ZAN: variants seen among roughly 807,000 people sequenced by gnomAD.
The protein encoded by ZAN is zonadhesin (gene/pseudogene).
ZAN carries 260 observed loss-of-function variants against 286.2 expected under a neutral mutation model. That is an observed-to-expected ratio of 0.91 (90% CI 0.82 to 1.01). ZAN has a LOEUF of 1.01. Ranked by LOEUF, ZAN falls within the 50% of genes least tolerant of loss-of-function variation. The probability of loss-of-function intolerance (pLI) is 0.00; values close to 1 mark genes in which losing one functional copy is unlikely to be tolerated. For missense variants in ZAN, 3,410 were observed against 3,639.2 expected, an observed-to-expected ratio of 0.94 and a Z score of 1.62; for synonymous variants, 1,368 against 1,417.5, an observed-to-expected ratio of 0.97 and a Z score of 0.79.
At chr7:100,753,950 C>T (rs1808971745) in intron 14 of ZAN, among the ~76,000 whole-genome samples, 1 of 151,934 alleles carries the variant, frequency 6.6e-6, no homozygotes, top group Non-Finnish European at 1.5e-5. Flanking sequence ...AAAAAGAAAT[C>T]CTATACCTAT....
chr7:100,747,534 A>C lies in ZAN; in HGVS notation c.932-16A>C. ...CCCCTTAAGCTCACTTCTCCTTCCA[A>C]TTCCTTTCACTGCAGGGAGTATCCG... is the stretch of plus-strand genomic sequence containing the variant. On this transcript the variant is annotated splice_polypyrimidine_tract_variant and intron_variant, in intron 8 of 47. Transcript: ENST00000613979. 1 of 1,612,688 alleles carries C rather than the reference A, an allele frequency of 6.2e-7. No individual in the cohort carries two copies.
At chr7:100,765,848 G>A (rs770375923) in intron 23 of ZAN, among the ~76,000 whole-genome samples, 13 of 152,080 alleles carry the variant, frequency 8.5e-5, no homozygotes, top group Non-Finnish European at 1.3e-4. Context: ...GGGGTAGGGG[G>A]CGGTTTCACC....
chr7:100,789,210 C>T lies in ZAN; in HGVS notation c.7228-8C>T. 1 of 1,612,316 alleles carries T rather than the reference C, an allele frequency of 6.2e-7. No individual in the cohort carries two copies. On this transcript the variant is annotated splice_region_variant and splice_polypyrimidine_tract_variant and intron_variant, in intron 38 of 47. Transcript: ENST00000613979. Reference sequence around the variant, plus strand: ...GCCCTGTCTGTGGCTCCTGTCTTCCCTCTTTAGGTCAACAACCAGAAGATG... The same window carrying T: ...GCCCTGTCTGTGGCTCCTGTCTTCCTTCTTTAGGTCAACAACCAGAAGATG...
chr7:100,772,012 C>T lies in ZAN; in HGVS notation c.5417C>T (p.Thr1806Ile). 6.3e-7 allele frequency: 1 copy of T among 1,596,210 alleles called. No individual in the cohort carries two copies. Among genetic ancestry groups the T allele is most frequent in the South Asian group, 1.1e-5 (1 of 90,716 alleles). Residue 1806 changes from threonine (T) to isoleucine (I), a missense_variant, in exon 29 of 48, where the codon ACC becomes ATC. This residue lies in a region of ZAN where 1,289 missense variants were observed against 1,314.3 expected (regional missense o/e 0.98). Coordinates refer to ENST00000613979, the MANE Select transcript of ZAN (RefSeq NM_003386.3). ...CAGGCCCCTGCCTGGCGGAACAGAA[C>T]CTTCTGCCGTGAGTGACTGGCCACC... Reference protein sequence around the residue: ...AGQAPAWRNRTFCPMRCPPGS... With the variant: ...AGQAPAWRNRIFCPMRCPPGS...
At position 100,752,555 on chromosome 7, in the gene ZAN, T is replaced by G. The variant is rs1037747187; in HGVS notation, c.2450T>G (p.Ile817Ser). 27 of 1,610,816 alleles carry G rather than the reference T, an allele frequency of 1.7e-5. No homozygotes were observed. The highest frequency in any genetic ancestry group is 2.1e-5 in the Non-Finnish European group (25 of 1,179,470). Reference protein sequence around the residue: ...ETTISTEKPSIPMEKPTLPTE... With the variant: ...ETTISTEKPSSPMEKPTLPTE... Reference sequence around the variant, plus strand: ...ACCATCTCCACAGAAAAACCCAGCATCCCCATGGAAAAACCCACTCTCCCC... The same window carrying G: ...ACCATCTCCACAGAAAAACCCAGCAGCCCCATGGAAAAACCCACTCTCCCC... Residue 817 changes from isoleucine (I) to serine (S), a missense_variant, in exon 14 of 48, where the codon ATC becomes AGC. Physicochemically the swap from Ile to Ser is moderately radical, Grantham distance 142 (BLOSUM62 -2). Transcript: ENST00000613979.
In ZAN at chr7:100,746,666, C is replaced by T. The variant is rs1280314796; in HGVS notation, c.895C>T (p.Pro299Ser). Residue 299 changes from proline to serine, a missense_variant, in exon 8 of 48, where the codon CCT (proline) becomes TCT (serine). Pro to Ser is a moderately conservative substitution (Grantham distance 74). This residue lies in a region of ZAN where 872 missense variants were observed against 938.9 expected (regional missense o/e 0.93). Transcript: ENST00000613979. ...CCACTACATCCTCCGGGGCCAGTCT[C>T]CTGGTGCAGCCCTCCACATTTATGC... ...SFHYILRGQS[P>S]GAALHIYASV... 1 of 1,613,998 alleles carries T rather than the reference C, an allele frequency of 6.2e-7. No homozygotes were observed. Among genetic ancestry groups the T allele is most frequent in the Non-Finnish European group, 8.5e-7 (1 of 1,179,896 alleles).
At position 100,795,154 on chromosome 7, in the gene ZAN, C is replaced by T. The variant is rs1448219889; in HGVS notation, c.8126-42C>T. Reference sequence around the variant, plus strand: ...CAGGCCTTCCCTCAGCTGGGAGTGTCCTCCCAGGGCCCCCCTCCCACAACC... The same window carrying T: ...CAGGCCTTCCCTCAGCTGGGAGTGTTCTCCCAGGGCCCCCCTCCCACAACC... On this transcript the variant is annotated intron_variant, in intron 44 of 47. Transcript: ENST00000613979. The T allele has an allele frequency of 1.9e-6, 3 of 1,579,802 alleles. No individual in the cohort carries two copies. In the South Asian group the frequency reaches 3.4e-5, roughly 18 times the overall value.
intron 34 of ZAN, 49 bp downstream of exon 34, chr7:100,776,613 G>GTCTT (rs756633653): frequency 3.7e-6 from 5 of 1,366,820 alleles, no homozygotes; most frequent in Non-Finnish European, 4.8e-6. Flanking sequence ...TTCTTTCTTT[G>GTCTT]TCTTTCTTTC....
At chr7:100,777,623 A>G (rs150017597) in intron 34 of ZAN, among the ~76,000 whole-genome samples, 1 of 151,994 alleles carries the variant, frequency 6.6e-6, no homozygotes, top group African/African-American at 2.4e-5. Context: ...CAGCCTCCCA[A>G]AGTGCTAGGA....
intron 39 of ZAN, among the ~76,000 whole-genome samples, chr7:100,789,876 C>T (rs190200504): frequency 4.6e-5 from 7 of 151,930 alleles, no homozygotes; most frequent in Non-Finnish European, 1.0e-4. Flanking sequence ...ACGTGGGAGG[C>T]GGAGGTTGCA....
At position 100,786,066 on chromosome 7, in the gene ZAN, G is replaced by C; in HGVS notation, c.6904G>C (p.Gly2302Arg). The C allele has an allele frequency of 1.9e-6, 3 of 1,614,002 alleles. No individual in the cohort carries two copies. Among genetic ancestry groups the C allele is most frequent in the Non-Finnish European group, 2.5e-6 (3 of 1,179,896 alleles). ...CVCTGGAIQC[G>R]DFRCPSGSHC... ...CTGCACGGGAGGAGCCATTCAGTGC[G>C]GGGACTTCCGATGCCCCTCTGGGTC... Residue 2302 changes from glycine (G) to arginine (R), a missense_variant, in exon 37 of 48, where the codon GGG becomes CGG. Gly to Arg is a moderately radical substitution (Grantham distance 125, BLOSUM62 -2). This residue lies in a region of ZAN where 1,289 missense variants were observed against 1,314.3 expected (regional missense o/e 0.98). Transcript: ENST00000613979.
At chr7:100,776,724 T>TTTTC (rs1562947429) in intron 34 of ZAN, among the ~76,000 whole-genome samples, 160 bp downstream of exon 34, 1 of 91,932 alleles carries the variant, frequency 1.1e-5, no homozygotes, top group East Asian at 4.0e-4. Context: ...CTTTCTTTTT[T>TTTTC]TTTTTTTTTT....
Position 100,779,524 on chromosome 7 carries a change from C to G in ZAN, c.6396C>G (p.Ala2132=). The change falls in exon 35 of 48, where the codon GCC becomes GCG. Residue 2132 remains alanine (A), a synonymous_variant. Transcript: ENST00000613979. The stretch of plus-strand genomic sequence containing the variant: ...ACCCGAGTGGAAACTGCAGGGCGGC[C>G]GACCTCCGCAGGGCGCGGGAAAAGT... ...QENPSGNCRA[A]DLRRAREKCE... is the part of the protein sequence containing the mutation. The G allele has an allele frequency of 1.2e-6, 2 of 1,612,642 alleles. No homozygotes were observed. Among genetic ancestry groups the G allele is most frequent in the Non-Finnish European group, 1.7e-6 (2 of 1,179,450 alleles).
chr7:100,786,475 T>C (rs1811574615), intron 37 of ZAN, among the ~76,000 whole-genome samples: 1 of 152,140 alleles, frequency 6.6e-6, no homozygotes, highest in Non-Finnish European at 1.5e-5. Context: ...GGCACCATCA[T>C]ATAGCTAGCT....
intron 31 of ZAN, among the ~76,000 whole-genome samples, chr7:100,774,907 T>C (rs1310186708): frequency 1.6e-5 from 2 of 126,080 alleles, no homozygotes; most frequent in Non-Finnish European, 3.3e-5. Context: ...CTCCTAGCCC[T>C]GGCCCTGGGG....
At position 100,758,523 on chromosome 7, in the gene ZAN, C is replaced by T. The variant is rs775375828; in HGVS notation, c.3452-8C>T. ...AGCAGCTTCGCCTGTTCTCCTTCCCCCTCCCAGCAGGCACTGCCACCTGCT... is the reference window on the plus strand; with the variant it reads ...AGCAGCTTCGCCTGTTCTCCTTCCCTCTCCCAGCAGGCACTGCCACCTGCT... On this transcript the variant is annotated splice_region_variant and splice_polypyrimidine_tract_variant and intron_variant, in intron 16 of 47. Transcript: ENST00000613979. 6.4e-7 allele frequency: 1 copy of T among 1,556,116 alleles called. No individual in the cohort carries two copies. The highest frequency in any genetic ancestry group is 8.7e-7 in the Non-Finnish European group (1 of 1,149,842).
chr7:100,791,010 A>C lies in ZAN; in HGVS notation c.7426A>C (p.Lys2476Gln). ...GLCGNYDKNR[K>Q]NDMMLPSGAL... ...GTGCGGAAACTACGACAAGAACCGC[A>C]AGAATGACATGATGCTGCCCAGTGG... The change falls in exon 40 of 48, where the codon AAG becomes CAG. Residue 2476 changes from lysine (K) to glutamine (Q), a missense_variant. Around this residue, in one of 7 missense-constraint regions of ZAN, gnomAD observed 1,289 missense variants for 1,314.3 expected, o/e 0.98. Coordinates refer to ENST00000613979, the MANE Select transcript of ZAN (RefSeq NM_003386.3). The C allele has an allele frequency of 6.2e-7, 1 of 1,612,684 alleles. No individual in the cohort carries two copies. Among genetic ancestry groups the C allele is most frequent in the Non-Finnish European group, 8.5e-7 (1 of 1,179,486 alleles).
intron 11 of ZAN, among the ~76,000 whole-genome samples, chr7:100,749,406 C>G (rs1023277029): frequency 1.3e-5 from 2 of 148,556 alleles, no homozygotes; most frequent in African/African-American, 2.5e-5. Context: ...TTTGGGAGGC[C>G]AAGGAGGGCG....
At position 100,751,261 on chromosome 7, in the gene ZAN, G is replaced by C. The variant is rs765426316; in HGVS notation, c.1601G>C (p.Cys534Ser). The change falls in exon 13 of 48, where the codon TGT (cysteine) becomes TCT (serine). Residue 534 changes from cysteine (C) to serine (S), a missense_variant. Transcript: ENST00000613979. The stretch of plus-strand genomic sequence containing the variant: ...TTCATCTTGATCAATCCTGGGACTT[G>C]TCCAGGTAAGACCAAAGCCCAGGCT... Reference protein sequence around the residue: ...MGFILINPGTCPVKVLPELPP... With the variant: ...MGFILINPGTSPVKVLPELPP... 1.3e-6 allele frequency: 2 copies of C among 1,593,324 alleles called. No homozygotes were observed. Among genetic ancestry groups the C allele is most frequent in the South Asian group, 1.1e-5 (1 of 87,928 alleles).
Sources: allele counts gnomAD v4.1 joint callset (sites outside exome capture counted in the v4.1 genomes callset), GRCh38; gene constraint gnomAD v4.1.1; regional missense constraint gnomAD v4.1.1; transcripts MANE v1.5; gene names NCBI Gene and HGNC (gene_info 2026-07-23, HGNC 2026-07-21).